Variants in LDHA observed in about 807,000 individuals in gnomAD.
The protein encoded by LDHA is lactate dehydrogenase A.
A neutral mutation model predicts 36.3 loss-of-function variants in LDHA; 10 were observed. That is an observed-to-expected ratio of 0.28 (90% CI 0.17 to 0.47). The LOEUF (loss-of-function observed/expected upper bound fraction) is 0.47, where lower values mean the gene tolerates loss of function less well. Among genes scored for constraint, LDHA ranks in the 20% least tolerant of loss-of-function variants. LDHA has a pLI of 0.99. For synonymous variants in LDHA, 110 were observed against 136.7 expected (o/e 0.80, Z 1.36); for missense variants, 267 against 405.8 (o/e 0.66, Z 2.94).
chr11:18,403,874 T>C, intron 6 of LDHA, 63 bp downstream of exon 6: 1 of 970,302 alleles, frequency 1.0e-6, no homozygotes, highest in Non-Finnish European at 1.7e-6. Flanking sequence ...TTTAAAAGGT[T>C]AAAATTGTAA....
At position 18,399,548 on chromosome 11, in the gene LDHA, G is replaced by A; in HGVS notation, c.244G>A (p.Asp82Asn). 6.3e-7 allele frequency: 1 copy of A among 1,578,258 alleles called. No homozygotes were observed. The highest frequency in any genetic ancestry group is 8.7e-7 in the Non-Finnish European group (1 of 1,147,340). ...LRTPKIVSGKDYNVTANSKLV... is the reference protein window; with the variant it reads ...LRTPKIVSGKNYNVTANSKLV... ...AACACCAAAGATTGTCTCTGGCAAAGGTTGATTTCAACAAGTTTATATTAT... is the reference window on the plus strand; with the variant it reads ...AACACCAAAGATTGTCTCTGGCAAAAGTTGATTTCAACAAGTTTATATTAT... The change falls in exon 3 of 8, where the codon GAC (aspartate) becomes AAC (asparagine). Residue 82 changes from aspartate to asparagine, a missense_variant and splice_region_variant. Transcript: ENST00000422447.
intron 1 of LDHA, chr11:18,396,578 A>G (rs1172408087): frequency 6.1e-5 from 84 of 1,385,296 alleles, no homozygotes; most frequent in Non-Finnish European, 7.5e-5. Flanking sequence ...CTATACTTAC[A>G]CCCAAACGTC....
At chr11:18,404,352 T>C (rs986471954) in intron 6 of LDHA, among the ~76,000 whole-genome samples, 4 of 151,468 alleles carry the variant, frequency 2.6e-5, no homozygotes, top group Admixed American at 6.6e-5. Flanking sequence ...AAGGCTGCAG[T>C]GAAGCGAGAT....
intron 6 of LDHA, 62 bp downstream of exon 6, chr11:18,403,873 T>C (rs1866583303): frequency 2.0e-6 from 2 of 998,018 alleles, no homozygotes; most frequent in Non-Finnish European, 3.2e-6. Flanking sequence ...ATTTAAAAGG[T>C]TAAAATTGTA....
At chr11:18,396,625 T>C in intron 1 of LDHA, 194 bp from the exon 2 acceptor site, 2 of 1,408,258 alleles carry the variant, frequency 1.4e-6, no homozygotes, top group African/African-American at 2.9e-5. Flanking sequence ...GGGCCTTCAC[T>C]CTTCACAGAC....
intron 3 of LDHA, chr11:18,400,505 A>C: frequency 2.7e-6 from 1 of 375,400 alleles, no homozygotes; most frequent in South Asian, 2.1e-5. Flanking sequence ...TCCTGGGCTG[A>C]TAGGACACCA....
chr11:18,396,493 T>A, intron 1 of LDHA: 1 of 942,604 alleles, frequency 1.1e-6, no homozygotes, highest in Non-Finnish European at 1.4e-6. Flanking sequence ...CCGGAGTAGC[T>A]CAGAGTGATC....
chr11:18,399,356 T>C (rs530092785), intron 2 of LDHA, 75 bp from the exon 3 acceptor site: 63 of 1,037,672 alleles, frequency 6.1e-5, no homozygotes, highest in Non-Finnish European at 7.6e-5. Context: ...GCCAGAAATA[T>C]AGAAATTTTT....
At chr11:18,403,888 TATTTGC>T (rs1257056919) in intron 6 of LDHA, 77 bp downstream of exon 6, 2 of 898,684 alleles carry the variant, frequency 2.2e-6, no homozygotes, top group Non-Finnish European at 3.7e-6. Context: ...ATTGTAATAG[TATTTGC>T]ATTTGAGAAC....
rs1590211739 is a variant in LDHA at position 18,397,121 on chromosome 11, TATG to T, written c.126+156_126+158del. The T allele has an allele frequency of 2.9e-5, 20 of 693,024 alleles. No individual in the cohort carries two copies. In the East Asian group the frequency reaches 4.3e-4, roughly 15 times the overall value. 42.9% of individuals were successfully genotyped at this position (693,024 alleles called of 1,614,324 possible). A position where few individuals can be genotyped will look rare whatever the true frequency, so the allele number is the denominator to read the frequency against. On this transcript the variant is annotated intron_variant, in intron 2 of 7. Coordinates refer to ENST00000422447, the MANE Select transcript of LDHA (RefSeq NM_005566.4). ...CTTTCTGTGAAACAAACTTTTGAAATATGATAATACACCAAAAGTGTATCTGAA... is the reference window on the plus strand; with the variant it reads ...CTTTCTGTGAAACAAACTTTTGAAATATAATACACCAAAAGTGTATCTGAA...
chr11:18,402,155 A>G (rs965560322), intron 4 of LDHA, among the ~76,000 whole-genome samples: 2 of 151,392 alleles, frequency 1.3e-5, no homozygotes, highest in African/African-American at 2.4e-5. Flanking sequence ...GGGTTTCACC[A>G]TGTTGCCCAG....
At chr11:18,402,583 T>C in intron 4 of LDHA, 1 of 398,586 alleles carries the variant, frequency 2.5e-6, no homozygotes, top group East Asian at 5.7e-5. Context: ...CAGGTGTGAG[T>C]TGTCATGCCC....
intron 1 of LDHA, among the ~76,000 whole-genome samples, chr11:18,395,994 G>A (rs906641656): frequency 2.0e-5 from 3 of 152,256 alleles, no homozygotes; most frequent in Non-Finnish European, 4.4e-5. Flanking sequence ...CGCCAGACCT[G>A]GGAGGCTGCC....
chr11:18,401,149 AATATAT>A, intron 4 of LDHA, 139 bp downstream of exon 4: 1 of 337,576 alleles, frequency 3.0e-6, no homozygotes, highest in Non-Finnish European at 4.5e-6. Flanking sequence ...ATTATTTTAA[AATATAT>A]ATATATATTT....
intron 2 of LDHA, chr11:18,397,279 T>C (rs571307277): frequency 4.7e-6 from 1 of 212,162 alleles, no homozygotes; most frequent in Admixed American, 5.8e-5. Context: ...AAAATTCTTT[T>C]AAAGTGATTT....
At chr11:18,399,179 T>C (rs1353396370) in intron 2 of LDHA, 10 of 467,428 alleles carry the variant, frequency 2.1e-5, no homozygotes, top group Non-Finnish European at 3.5e-5. Context: ...CTTCCACATC[T>C]GCAGTGGTGG....
In LDHA at chr11:18,405,578, T is replaced by A. The variant is rs764211566; in HGVS notation, c.834+6T>A. The A allele has an allele frequency of 6.2e-7, 1 of 1,613,636 alleles. No homozygotes were observed. The highest frequency in any genetic ancestry group is 8.5e-7 in the Non-Finnish European group (1 of 1,179,758). ...CAGTTTCCACCATGATTAAGGTAGG[T>A]CTATGTAGTGATACGCTGCATTTGA... On this transcript the variant is annotated splice_donor_region_variant and intron_variant, in intron 7 of 7. Coordinates refer to ENST00000422447, the MANE Select transcript of LDHA (RefSeq NM_005566.4).
rs1375781172 is a variant in LDHA, at chr11:18,407,484, C to T, written c.*203C>T. ...TATCCTGATGCTGGATGGTATTAATCTTGTGTAGTCTTCAACTGGTTAGTG... is the reference window on the plus strand; with the variant it reads ...TATCCTGATGCTGGATGGTATTAATTTTGTGTAGTCTTCAACTGGTTAGTG... On this transcript the variant is annotated 3_prime_UTR_variant, in exon 8 of 8. Coordinates refer to ENST00000422447, the MANE Select transcript of LDHA (RefSeq NM_005566.4). 9.6e-7 allele frequency: 1 copy of T among 1,040,928 alleles called. No individual in the cohort carries two copies. The highest frequency in any genetic ancestry group is 1.6e-5 in the African/African-American group (1 of 63,238). 64.5% of individuals were successfully genotyped at this position (1,040,928 alleles called of 1,614,324 possible).
At position 18,396,444 on chromosome 11, in the gene LDHA, G is replaced by A. The variant is rs78311829; in HGVS notation, c.-24-375G>A. On this transcript the variant is annotated intron_variant, in intron 1 of 7. Transcript: ENST00000422447. ...TGGCTTTTCTGCACGTATCTCTGGT[G>A]TTTACTTGAGAAGCCTGGCTGTGTC... 890 of 475,636 alleles carry A rather than the reference G, an allele frequency of 1.9e-3. 4 individuals carry two copies. The East Asian group carries it at 0.024, about 13-fold the overall frequency. 29.5% of individuals were successfully genotyped at this position (475,636 alleles called of 1,614,324 possible). A position where few individuals can be genotyped will look rare whatever the true frequency, so the allele number is the denominator to read the frequency against.
Sources: allele counts gnomAD v4.1 joint callset (sites outside exome capture counted in the v4.1 genomes callset), GRCh38; gene constraint gnomAD v4.1.1; transcripts MANE v1.5; gene names NCBI Gene and HGNC (gene_info 2026-07-23, HGNC 2026-07-21).